SEMA6A: variants seen among roughly 807,000 people sequenced by gnomAD.
SEMA6A encodes the protein semaphorin 6A, also known as semaphorin-6A.
In SEMA6A, 25 loss-of-function variants were observed where a neutral mutation model predicts 96.8. The ratio of observed to expected loss-of-function variants is 0.26; its 90% CI spans 0.19 to 0.36. The LOEUF is 0.36. Ranked by LOEUF, SEMA6A falls within the 10% of genes least tolerant of loss-of-function variation. The pLI is 1.00. For missense variants in SEMA6A, 1,363 were observed against 1,323.1 expected, an observed-to-expected ratio of 1.03 and a Z score of -0.47; for synonymous variants, 612 against 518.0, an observed-to-expected ratio of 1.18 and a Z score of -2.46.
rs768948115 is a variant in SEMA6A at position 116,447,665 on chromosome 5, C to T, written c.2041G>A (p.Val681Met). 3.4e-5 allele frequency: 55 copies of T among 1,614,034 alleles called. No individual in the cohort carries two copies. Among genetic ancestry groups the T allele is most frequent in the Non-Finnish European group, 4.7e-5 (55 of 1,179,884 alleles). ...TTCTCCTTGCGCTGCACCACAGCCA[C>T]GTCTTTGCGCCGATGATCACAGACG... ...YCVCDHRRKD[V>M]AVVQRKEKEL... Residue 681 changes from valine to methionine, a missense_variant, in exon 19 of 19, where the codon GTG becomes ATG. Coordinates refer to ENST00000343348, the MANE Select transcript of SEMA6A (RefSeq NM_020796.5).
chr5:116,486,228 G>A (rs771718851), intron 10 of SEMA6A, among the ~76,000 whole-genome samples: 3 of 152,164 alleles, frequency 2.0e-5, no homozygotes, highest in Non-Finnish European at 2.9e-5. Context: ...ATTTCACCCT[G>A]TAGCAATTTA....
intron 18 of SEMA6A, among the ~76,000 whole-genome samples, chr5:116,460,999 T>C (rs937016180): frequency 6.6e-6 from 1 of 152,070 alleles, no homozygotes; most frequent in Non-Finnish European, 1.5e-5. Context: ...TCTCTAAAAG[T>C]TTAGAGCAAT....
chr5:116,506,155 T>C (rs1758136263), intron 1 of SEMA6A, among the ~76,000 whole-genome samples: 1 of 152,232 alleles, frequency 6.6e-6, no homozygotes, highest in Non-Finnish European at 1.5e-5. Flanking sequence ...TAACTTACGC[T>C]TTTTGGAACA....
intron 3 of SEMA6A, among the ~76,000 whole-genome samples, chr5:116,500,966 G>A (rs987967369): frequency 3.3e-5 from 5 of 152,084 alleles, no homozygotes; most frequent in Non-Finnish European, 5.9e-5. Flanking sequence ...AGCTGAGATC[G>A]CGCCACTGCA....
At chr5:116,514,130 A>G (rs956364568) in intron 1 of SEMA6A, among the ~76,000 whole-genome samples, 6 of 152,182 alleles carry the variant, frequency 3.9e-5, no homozygotes, top group Non-Finnish European at 8.8e-5. Context: ...AACAATTTAT[A>G]TTCCTTTGGG....
In SEMA6A at chr5:116,447,815, C is replaced by T; in HGVS notation, c.1895-4G>A. 6.3e-7 allele frequency: 1 copy of T among 1,581,684 alleles called. No individual in the cohort carries two copies. The highest frequency in any genetic ancestry group is 8.6e-7 in the Non-Finnish European group (1 of 1,160,378). ...AGGTAACTTTCCCGAATCACTCCTGCAATAGACATCGCATATGGCGTTAAG... is the reference window on the plus strand; with the variant it reads ...AGGTAACTTTCCCGAATCACTCCTGTAATAGACATCGCATATGGCGTTAAG... On this transcript the variant is annotated splice_region_variant and splice_polypyrimidine_tract_variant and intron_variant, in intron 18 of 18. Transcript: ENST00000343348.
intron 18 of SEMA6A, among the ~76,000 whole-genome samples, chr5:116,458,422 G>A (rs541456273): frequency 6.6e-6 from 1 of 152,232 alleles, no homozygotes; most frequent in African/African-American, 2.4e-5. Flanking sequence ...GAGACTGAGG[G>A]AAAAGGGTGG....
intron 1 of SEMA6A, among the ~76,000 whole-genome samples, chr5:116,551,993 A>G (rs1639368797): frequency 6.6e-6 from 1 of 152,234 alleles, no homozygotes; most frequent in Non-Finnish European, 1.5e-5. Flanking sequence ...TCTTGTCTGT[A>G]GATTCTGACT....
chr5:116,477,804 C>T, intron 15 of SEMA6A, 42 bp downstream of exon 15: 1 of 1,596,748 alleles, frequency 6.3e-7, no homozygotes, highest in Non-Finnish European at 8.6e-7. Flanking sequence ...TACACCTTGG[C>T]TGGAAGCCAC....
At chr5:116,474,447 CCTATG>C (rs1315525839) in intron 16 of SEMA6A, among the ~76,000 whole-genome samples, 3 of 152,076 alleles carry the variant, frequency 2.0e-5, no homozygotes, top group Non-Finnish European at 4.4e-5. Context: ...TGACACTTCT[CCTATG>C]CTTATTTATT....
chr5:116,511,456 A>G (rs1472323815), intron 1 of SEMA6A, among the ~76,000 whole-genome samples: 1 of 152,222 alleles, frequency 6.6e-6, no homozygotes, highest in Non-Finnish European at 1.5e-5. Flanking sequence ...CCAGGTCTGT[A>G]TAATGCCAAA....
At chr5:116,484,625 G>GA (rs199657241) in intron 10 of SEMA6A, among the ~76,000 whole-genome samples, 6,657 of 146,078 alleles carry the variant, frequency 0.046, 237 homozygotes, top group African/African-American at 0.099. Context: ...TCCGTCTCAG[G>GA]AAAAAAAAAA....
intron 1 of SEMA6A, among the ~76,000 whole-genome samples, chr5:116,513,160 T>C (rs1758500390): frequency 6.6e-6 from 1 of 151,812 alleles, no homozygotes; most frequent in Admixed American, 6.6e-5. Flanking sequence ...GGAGTTTCGC[T>C]CTTGTTGTCC....
chr5:116,486,826 A>G lies in SEMA6A; in HGVS notation c.885T>C (p.Ile295=). 1 of 1,613,836 alleles carries G rather than the reference A, an allele frequency of 6.2e-7. No homozygotes were observed. The highest frequency in any genetic ancestry group is 1.1e-5 in the South Asian group (1 of 91,076). ...GAATCACATCTGTAACTGCCTGGAG[A>G]ATGTTGAAATAAAAATGAGAGTCTC... is the stretch of plus-strand genomic sequence containing the variant. The part of the protein sequence containing the change: ...VPGDSHFYFN[I]LQAVTDVIRI... The change falls in exon 10 of 19, where the codon ATT becomes ATC. Residue 295 remains isoleucine, a synonymous_variant. Transcript: ENST00000343348.
chr5:116,507,742 A>T (rs1157727289), intron 1 of SEMA6A, among the ~76,000 whole-genome samples: 1 of 152,210 alleles, frequency 6.6e-6, no homozygotes, highest in Non-Finnish European at 1.5e-5. Flanking sequence ...CAATATAAGG[A>T]TTCTAAATGA....
chr5:116,535,545 T>C (rs1759669472), intron 1 of SEMA6A, among the ~76,000 whole-genome samples: 1 of 152,200 alleles, frequency 6.6e-6, no homozygotes, highest in Non-Finnish European at 1.5e-5. Flanking sequence ...TTATGCTAAC[T>C]GTCCTATCCT....
chr5:116,495,484 G>C lies in SEMA6A; in HGVS notation c.373C>G (p.Leu125Val). The C allele has an allele frequency of 6.2e-7, 1 of 1,605,870 alleles. No homozygotes were observed. The highest frequency in any genetic ancestry group is 8.5e-7 in the Non-Finnish European group (1 of 1,175,814). ...AACAATGCATCATCGTTTTTCTTTA[G>C]AAGAACTTTAATAAAGTTGTGGCAC... ...DECHNFIKVL[L>V]KKNDDALFVC... Residue 125 changes from leucine to valine, a missense_variant, in exon 6 of 19, where the codon CTA becomes GTA. Physicochemically the swap from Leu to Val is conservative, Grantham distance 32. Transcript: ENST00000343348.
intron 1 of SEMA6A, among the ~76,000 whole-genome samples, chr5:116,552,052 G>T (rs1028850738): frequency 6.6e-6 from 1 of 150,530 alleles, no homozygotes; most frequent in Non-Finnish European, 1.5e-5. Flanking sequence ...GAAAATACAG[G>T]CATGCCAATC....
chr5:116,552,541 C>A (rs1013333234), intron 1 of SEMA6A, among the ~76,000 whole-genome samples: 1 of 152,150 alleles, frequency 6.6e-6, no homozygotes, highest in East Asian at 1.9e-4. Context: ...AAGGGACGCT[C>A]TTCTCCATCC....
Sources: allele counts gnomAD v4.1 joint callset (sites outside exome capture counted in the v4.1 genomes callset), GRCh38; gene constraint gnomAD v4.1.1; transcripts MANE v1.5; gene names NCBI Gene and HGNC (gene_info 2026-07-23, HGNC 2026-07-21).